Variants in CCDC180 observed in about 807,000 individuals in gnomAD.
CCDC180 encodes the protein coiled-coil domain-containing protein 180.
CCDC180 carries 154 observed loss-of-function variants against 209.2 expected under a neutral mutation model. The ratio of observed to expected loss-of-function variants is 0.74; its 90% CI spans 0.65 to 0.84. CCDC180 has a LOEUF of 0.84. Among genes scored for constraint, CCDC180 ranks in the 40% least tolerant of loss-of-function variants. The pLI, the probability that CCDC180 is intolerant of heterozygous loss-of-function variation, is 0.00. For synonymous variants in CCDC180, 778 were observed against 749.1 expected, an observed-to-expected ratio of 1.04 and a Z score of -0.63; for missense variants, 1,874 against 1,997.3, an observed-to-expected ratio of 0.94 and a Z score of 1.18.
Position 97,318,728 on chromosome 9 carries a change from C to A in CCDC180, c.1079+146C>A, listed in dbSNP as rs796394113. ...TCTGGCCCTGGGCTGGCCACCTGGACCATTTCAGCCCCACTCACAAGAAAG... is the reference window on the plus strand; with the variant it reads ...TCTGGCCCTGGGCTGGCCACCTGGAACATTTCAGCCCCACTCACAAGAAAG... On this transcript the variant is annotated intron_variant, in intron 10 of 36. Transcript: ENST00000529487. 3.8e-6 allele frequency: 4 copies of A among 1,054,910 alleles called. No individual in the cohort carries two copies. The African/African-American group carries it at 4.8e-5, about 13-fold the overall frequency. 65.3% of individuals were successfully genotyped at this position (1,054,910 alleles called of 1,614,324 possible). A position where few individuals can be genotyped will look rare whatever the true frequency, so the allele number is the denominator to read the frequency against.
intron 5 of CCDC180, 122 bp downstream of exon 5, chr9:97,313,467 A>G (rs1833058403): frequency 1.6e-6 from 1 of 631,326 alleles, no homozygotes; most frequent in African/African-American, 1.8e-5. Flanking sequence ...ACAGAGCCTT[A>G]GACGACATGG....
intron 24 of CCDC180, 77 bp from the exon 25 acceptor site, chr9:97,357,550 T>C (rs938502567): frequency 2.7e-5 from 25 of 926,532 alleles, no homozygotes; most frequent in Non-Finnish European, 3.4e-5. Context: ...GTTTCTCAGA[T>C]GGTATGTTTC....
chr9:97,374,763 T>C (rs1324069300), intron 35 of CCDC180, 115 bp downstream of exon 35: 4 of 755,404 alleles, frequency 5.3e-6, no homozygotes, highest in Non-Finnish European at 8.7e-6. Flanking sequence ...AAAGGCATTG[T>C]GTTCTGAGCC....
At chr9:97,346,002 T>A (rs1017973772) in intron 19 of CCDC180, among the ~76,000 whole-genome samples, 37 of 152,212 alleles carry the variant, frequency 2.4e-4, no homozygotes, top group African/African-American at 8.7e-4. Flanking sequence ...TGTTTTCAAC[T>A]TCCATATTAA....
chr9:97,357,769 C>A, intron 25 of CCDC180, 44 bp downstream of exon 25: 1 of 1,393,268 alleles, frequency 7.2e-7, no homozygotes, highest in Non-Finnish European at 1.0e-6. Flanking sequence ...AAAGATATAT[C>A]ATGCTAAAGT....
chr9:97,313,700 A>G (rs1422738364), intron 5 of CCDC180, among the ~76,000 whole-genome samples: 2 of 152,170 alleles, frequency 1.3e-5, no homozygotes, highest in Non-Finnish European at 2.9e-5. Context: ...CTTCTGATGA[A>G]GGGCAGAATG....
Position 97,366,596 on chromosome 9 carries a change from C to G in CCDC180, c.4085C>G (p.Pro1362Arg). 6.2e-7 allele frequency: 1 copy of G among 1,614,236 alleles called. No individual in the cohort carries two copies. The highest frequency in any genetic ancestry group is 8.5e-7 in the Non-Finnish European group (1 of 1,180,032). ...AAAGAAAAACGCCCAGTCACCAGGC[C>G]TGACTGCATGTGTGACACCTTTGAC... ...YRKEKRPVTR[P>R]DCMCDTFDQC... is the part of the protein sequence containing the mutation. Residue 1362 changes from proline (P) to arginine (R), a missense_variant, in exon 31 of 37, where the codon CCT (proline) becomes CGT (arginine). Pro to Arg is a moderately radical substitution (Grantham distance 103). Transcript: ENST00000529487. This position sits in a 1 kb window ranked among gnomAD's most constrained non-coding sequence, Gnocchi z 4.3.
chr9:97,343,459 G>C lies in CCDC180; in HGVS notation c.2394G>C (p.Lys798Asn). The part of the protein sequence containing the change: ...FVPLEEEHCR[K>N]SHSTFSAMFI... Reference sequence around the variant, plus strand: ...CCCTGGAAGAAGAGCATTGTAGGAAGTCCCATTCCACCTTCTCAGCCATGT... The same window carrying C: ...CCCTGGAAGAAGAGCATTGTAGGAACTCCCATTCCACCTTCTCAGCCATGT... Residue 798 changes from lysine (K) to asparagine (N), a missense_variant, in exon 19 of 37, where the codon AAG (lysine) becomes AAC (asparagine). Physicochemically the swap from Lys to Asn is moderately conservative, Grantham distance 94 (BLOSUM62 0). Coordinates refer to ENST00000529487, the MANE Select transcript of CCDC180 (RefSeq NM_020893.6). 1 of 1,614,074 alleles carries C rather than the reference G, an allele frequency of 6.2e-7. No individual in the cohort carries two copies. The highest frequency in any genetic ancestry group is 8.5e-7 in the Non-Finnish European group (1 of 1,179,972).
At chr9:97,326,018 A>C (rs1051819643) in intron 14 of CCDC180, among the ~76,000 whole-genome samples, 7 of 152,240 alleles carry the variant, frequency 4.6e-5, no homozygotes, top group Non-Finnish European at 7.3e-5. Context: ...TTCTGAAAGA[A>C]AAAGGGGAAG....
chr9:97,331,978 T>C (rs1434646352), intron 18 of CCDC180, among the ~76,000 whole-genome samples: 2 of 152,274 alleles, frequency 1.3e-5, no homozygotes, highest in Admixed American at 1.3e-4. Context: ...TGCCAAGTCC[T>C]ATGTCCAGAA....
chr9:97,350,703 G>A, intron 22 of CCDC180, 148 bp downstream of exon 22: 5 of 855,020 alleles, frequency 5.8e-6, no homozygotes, highest in Non-Finnish European at 8.8e-6. Context: ...CAGATCAGTG[G>A]CATTAAGGAT....
chr9:97,350,325 G>T, intron 21 of CCDC180, 84 bp from the exon 22 acceptor site: 1 of 1,368,640 alleles, frequency 7.3e-7, no homozygotes, highest in Admixed American at 2.1e-5. Context: ...TGTCCCTCAG[G>T]CTGATCACCA....
Position 97,323,773 on chromosome 9 carries a change from C to T in CCDC180, c.1249-8C>T, listed in dbSNP as rs1416657157. ...AAGCCAGGCTCTGCCTTGTCCCACACACTCCAGAAGCAGCTGCTGGACTGG... is the reference window on the plus strand; with the variant it reads ...AAGCCAGGCTCTGCCTTGTCCCACATACTCCAGAAGCAGCTGCTGGACTGG... On this transcript the variant is annotated splice_polypyrimidine_tract_variant and splice_region_variant and intron_variant, in intron 12 of 36. Coordinates refer to ENST00000529487, the MANE Select transcript of CCDC180 (RefSeq NM_020893.6). The T allele has an allele frequency of 1.9e-6, 3 of 1,557,080 alleles. No homozygotes were observed. The highest frequency in any genetic ancestry group is 2.6e-6 in the Non-Finnish European group (3 of 1,149,616).
At chr9:97,352,555 C>T (rs1282213065) in intron 22 of CCDC180, among the ~76,000 whole-genome samples, 3 of 152,144 alleles carry the variant, frequency 2.0e-5, no homozygotes, top group African/African-American at 4.8e-5. Flanking sequence ...TTTGCTGCTC[C>T]CCAGGTACTC....
intron 35 of CCDC180, 71 bp downstream of exon 35, chr9:97,374,719 A>G: frequency 8.0e-7 from 1 of 1,253,542 alleles, no homozygotes; most frequent in Non-Finnish European, 1.2e-6. Flanking sequence ...TGTAATGGTT[A>G]GGGGCTTGGA....
chr9:97,340,119 C>T (rs769577465), intron 18 of CCDC180, among the ~76,000 whole-genome samples: 3 of 152,174 alleles, frequency 2.0e-5, no homozygotes, highest in Non-Finnish European at 4.4e-5. Context: ...TCCTTTAGCT[C>T]GGAGAATTTT....
At chr9:97,354,268 T>C (rs1297086286) in intron 22 of CCDC180, among the ~76,000 whole-genome samples, 1 of 152,276 alleles carries the variant, frequency 6.6e-6, no homozygotes, top group Non-Finnish European at 1.5e-5. Flanking sequence ...TATGAGCCAC[T>C]GCGCCTGGCA....
Position 97,374,578 on chromosome 9 carries a change from A to T in CCDC180, c.4636A>T (p.Ile1546Leu), listed in dbSNP as rs1564180070. The change falls in exon 35 of 37, where the codon ATA becomes TTA. Residue 1546 changes from isoleucine to leucine, a missense_variant. Transcript: ENST00000529487. ...EPPKQKLSML[I>L]RRKLAGLSLK... ...CCCCAAACAGAAATTATCAATGCTCATACGAAGGAAACTCGCTGGGCTCTC... is the reference window on the plus strand; with the variant it reads ...CCCCAAACAGAAATTATCAATGCTCTTACGAAGGAAACTCGCTGGGCTCTC... 1 of 1,614,118 alleles carries T rather than the reference A, an allele frequency of 6.2e-7. No individual in the cohort carries two copies. Among genetic ancestry groups the T allele is most frequent in the Admixed American group, 1.7e-5 (1 of 60,018 alleles).
rs141131916 is a variant in CCDC180 at position 97,323,550 on chromosome 9, ATGT to A, written c.1249-229_1249-227del. On this transcript the variant is annotated intron_variant, in intron 12 of 36. Coordinates refer to ENST00000529487, the MANE Select transcript of CCDC180 (RefSeq NM_020893.6). ...CCCCAAAGCTTAACTGTTGTGAAGC[ATGT>A]TCGGCTGAGAGCACCACTTGGGGAG... is the stretch of plus-strand genomic sequence containing the variant. Among the ~76,000 whole-genome samples, 1,410 of 152,304 alleles carry A rather than the reference ATGT, an allele frequency of 9.3e-3. 38 individuals are homozygous for A. In the East Asian group the frequency reaches 0.094, roughly 10 times the overall value.
Sources: allele counts gnomAD v4.1 joint callset (sites outside exome capture counted in the v4.1 genomes callset), GRCh38; gene constraint gnomAD v4.1.1; non-coding constraint Gnocchi (gnomAD v3.1); transcripts MANE v1.5; gene names NCBI Gene and HGNC (gene_info 2026-07-23, HGNC 2026-07-21).